STKLD1: variants seen among roughly 807,000 people sequenced by gnomAD.
The protein encoded by STKLD1 is serine/threonine kinase like domain containing 1.
STKLD1 carries 79 observed loss-of-function variants against 80.4 expected under a neutral mutation model. The ratio of observed to expected loss-of-function variants is 0.98; its 90% CI spans 0.82 to 1.19. STKLD1 has a LOEUF of 1.19. STKLD1 is among the 50% of genes most tolerant of loss of function. The pLI is 0.00. For synonymous variants in STKLD1, 393 were observed against 357.6 expected, an observed-to-expected ratio of 1.10 and a Z score of -1.12; for missense variants, 841 against 856.0, an observed-to-expected ratio of 0.98 and a Z score of 0.22.
chr9:133,390,004 C>T lies in STKLD1; in HGVS notation c.467+408C>T, dbSNP rs148459396. 3.3e-5 allele frequency among the ~76,000 whole-genome samples: 5 copies of T among 152,242 alleles called. No homozygotes were observed. The highest frequency in any genetic ancestry group is 1.9e-4 in the East Asian group (1 of 5,166). On this transcript the variant is annotated intron_variant, in intron 6 of 17. Transcript: ENST00000371957. The surrounding 1 kb of genome is among the most constrained non-coding windows in gnomAD (Gnocchi z 5.1). ...ATGGTCTGAAGGGGCTGGGAGATGG[C>T]TCCAATTCTGAACACCAATATCTTA... is the stretch of plus-strand genomic sequence containing the variant.
intron 12 of STKLD1, among the ~76,000 whole-genome samples, chr9:133,400,837 G>A (rs1358504375): frequency 6.6e-6 from 1 of 152,212 alleles, no homozygotes; most frequent in African/African-American, 2.4e-5. Context: ...CAGGAGCTTG[G>A]AGACGCGGAT....
intron 14 of STKLD1, 143 bp downstream of exon 14, chr9:133,403,155 A>G: frequency 1.2e-6 from 1 of 862,558 alleles, no homozygotes; most frequent in African/African-American, 1.7e-5. Flanking sequence ...CTCTTCTGAG[A>G]GCTTCCAACT....
chr9:133,397,402 C>CCACA, intron 10 of STKLD1, 108 bp downstream of exon 10: 1 of 1,447,774 alleles, frequency 6.9e-7, no homozygotes, highest in South Asian at 1.3e-5. Context: ...CCTGGCCTTG[C>CCACA]TCCACATGCA....
At chr9:133,392,553 G>GGAT (rs1838425089) in intron 7 of STKLD1, among the ~76,000 whole-genome samples, 1 of 146,078 alleles carries the variant, frequency 6.8e-6, no homozygotes, top group Non-Finnish European at 1.5e-5. Context: ...ATGGATGGAT[G>GGAT]AGTGGATGGA....
rs201434985 is a variant in STKLD1, at chr9:133,403,977, G to A, written c.1661G>A (p.Arg554Gln). Residue 554 changes from arginine (R) to glutamine (Q), a missense_variant, in exon 16 of 18, where the codon CGG becomes CAG. By Grantham distance (43) the Arg-to-Gln change is conservative. Coordinates refer to ENST00000371957, the MANE Select transcript of STKLD1 (RefSeq NM_153710.5). Reference sequence around the variant, plus strand: ...GTGGCGCTGCTCCTGCAAAGCATCCGGCTGTGCCAGGACAGAGCCCTGCTG... The same window carrying A: ...GTGGCGCTGCTCCTGCAAAGCATCCAGCTGTGCCAGGACAGAGCCCTGCTG... ...QVVALLLQSI[R>Q]LCQDRALLVN... 54 of 1,611,690 alleles carry A rather than the reference G, an allele frequency of 3.4e-5. No individual in the cohort carries two copies. The Middle Eastern group carries it at 6.8e-4, about 20-fold the overall frequency.
intron 16 of STKLD1, 66 bp downstream of exon 16, chr9:133,404,114 A>G (rs587658884): frequency 6.7e-7 from 1 of 1,489,356 alleles, no homozygotes; most frequent in Admixed American, 2.4e-5. Context: ...CCCATCAGTT[A>G]CATCTGCCAG....
At chr9:133,398,132 G>T in intron 11 of STKLD1, 77 bp downstream of exon 11, 1 of 1,432,904 alleles carries the variant, frequency 7.0e-7, no homozygotes. Context: ...GGGGAGCTGA[G>T]GCTGGCCCTC....
In STKLD1 at chr9:133,389,486, G is replaced by A; in HGVS notation, c.397-40G>A. On this transcript the variant is annotated intron_variant, in intron 5 of 17. Coordinates refer to ENST00000371957, the MANE Select transcript of STKLD1 (RefSeq NM_153710.5). This position sits in a 1 kb window ranked among gnomAD's most constrained non-coding sequence, Gnocchi z 6.4. ...TGTCACCCCCCTGAAAGCAGCACAG[G>A]GTGCCCCTCCCATCCTGGCACCCCC... 1 of 1,608,460 alleles carries A rather than the reference G, an allele frequency of 6.2e-7. No individual in the cohort carries two copies. Among genetic ancestry groups the A allele is most frequent in the South Asian group, 1.1e-5 (1 of 90,092 alleles).
rs1564381060 is a variant in STKLD1, at chr9:133,394,265, G to A, written c.584-26G>A. Reference sequence around the variant, plus strand: ...TGCCCCCAGGGAGCAAAGGACTCAGGGATCCCACCTTGCTTTTACCAACAG... The same window carrying A: ...TGCCCCCAGGGAGCAAAGGACTCAGAGATCCCACCTTGCTTTTACCAACAG... On this transcript the variant is annotated intron_variant, in intron 7 of 17. Coordinates refer to ENST00000371957, the MANE Select transcript of STKLD1 (RefSeq NM_153710.5). This position sits in a 1 kb window ranked among gnomAD's most constrained non-coding sequence, Gnocchi z 4.9. The A allele has an allele frequency of 2.0e-6, 3 of 1,521,888 alleles. No homozygotes were observed. The highest frequency in any genetic ancestry group is 9.1e-7 in the Non-Finnish European group (1 of 1,096,214). The allele number at this position is 1,521,888 out of a possible 1,614,324, so 94.3% of individuals were successfully genotyped here.
intron 2 of STKLD1, among the ~76,000 whole-genome samples, chr9:133,379,483 C>G (rs919241698): frequency 6.6e-6 from 1 of 152,246 alleles, no homozygotes; most frequent in Non-Finnish European, 1.5e-5. Flanking sequence ...TAGGCAAGGT[C>G]ACACAATTTC....
chr9:133,402,940 C>T lies in STKLD1; in HGVS notation c.1402C>T (p.Leu468Phe). Residue 468 changes from leucine to phenylalanine, a missense_variant, in exon 14 of 18, where the codon CTC becomes TTC. Coordinates refer to ENST00000371957, the MANE Select transcript of STKLD1 (RefSeq NM_153710.5). ...GCTGCTGGAGCACATCCTGGAGCAC[C>T]TCAACAGCTCCCTCGAAAGCAGGGA... ...AGLLEHILEH[L>F]NSSLESRDVC... 1 of 1,584,600 alleles carries T rather than the reference C, an allele frequency of 6.3e-7. No homozygotes were observed. Among genetic ancestry groups the T allele is most frequent in the Non-Finnish European group, 8.6e-7 (1 of 1,165,622 alleles).
At position 133,390,622 on chromosome 9, in the gene STKLD1, G is replaced by C; in HGVS notation, c.468-59G>C. 1 of 1,313,668 alleles carries C rather than the reference G, an allele frequency of 7.6e-7. No individual in the cohort carries two copies. Among genetic ancestry groups the C allele is most frequent in the South Asian group, 1.2e-5 (1 of 83,922 alleles). 81.4% of individuals were successfully genotyped at this position (1,313,668 alleles called of 1,614,324 possible). ...ACACTGGTCCCACCTGGGGTTGTGG[G>C]TGGTGGCTGCCCAGGTGGCCCCTTG... On this transcript the variant is annotated intron_variant, in intron 6 of 17. Coordinates refer to ENST00000371957, the MANE Select transcript of STKLD1 (RefSeq NM_153710.5). This position sits in a 1 kb window ranked among gnomAD's most constrained non-coding sequence, Gnocchi z 5.1.
Position 133,390,868 on chromosome 9 carries a change from G to C in STKLD1, c.583+72G>C. ...AATCCAGGCGGCGTTGGCCACTCTG[G>C]GTGCTGGAGTGAGGCAACATCAAAC... On this transcript the variant is annotated intron_variant, in intron 7 of 17. Transcript: ENST00000371957. This position sits in a 1 kb window ranked among gnomAD's most constrained non-coding sequence, Gnocchi z 5.1. The C allele has an allele frequency of 1.7e-6, 2 of 1,176,002 alleles. No individual in the cohort carries two copies. The highest frequency in any genetic ancestry group is 1.3e-6 in the Non-Finnish European group (1 of 785,524). 72.8% of individuals were successfully genotyped at this position (1,176,002 alleles called of 1,614,324 possible).
chr9:133,379,342 A>ACCT (rs1269640035), intron 2 of STKLD1, among the ~76,000 whole-genome samples: 1 of 151,770 alleles, frequency 6.6e-6, no homozygotes, highest in East Asian at 1.9e-4. Flanking sequence ...CAACACCACC[A>ACCT]CCTCCCACCA....
intron 16 of STKLD1, 143 bp downstream of exon 16, chr9:133,404,191 C>A: frequency 9.4e-7 from 1 of 1,059,816 alleles, no homozygotes; most frequent in Non-Finnish European, 1.3e-6. Flanking sequence ...GATCTGAAGT[C>A]CAGTCATCCA....
intron 5 of STKLD1, chr9:133,388,724 A>G: frequency 1.0e-6 from 1 of 984,956 alleles, no homozygotes; most frequent in Non-Finnish European, 1.2e-6. Context: ...TTGCCTTCAC[A>G]TTTAGATCTT....
chr9:133,404,580 T>TG (rs904566887), intron 16 of STKLD1, among the ~76,000 whole-genome samples: 9 of 152,162 alleles, frequency 5.9e-5, no homozygotes, highest in African/African-American at 7.2e-5. Flanking sequence ...CCTTTGGCTC[T>TG]GGGGGGGCTG....
rs587729727 is a variant in STKLD1 at position 133,399,469 on chromosome 9, T to G, written c.1082-944T>G. On this transcript the variant is annotated intron_variant, in intron 11 of 17. Transcript: ENST00000371957. ...TCAGCTGTGACCAGGACAGAGTCCC[T>G]GGGAAGAGAGACTTTGCCTCCCTGG... Among the ~76,000 whole-genome samples the G allele has an allele frequency of 3.9e-5, 6 of 152,322 alleles. No homozygotes were observed. The East Asian group carries it at 1.2e-3, about 29-fold the overall frequency.
At chr9:133,401,694 G>A in intron 12 of STKLD1, 44 bp from the exon 13 acceptor site, 1 of 1,589,002 alleles carries the variant, frequency 6.3e-7, no homozygotes, top group Non-Finnish European at 8.5e-7. Flanking sequence ...CCCCATGCCT[G>A]AGCTGTGGGG....
Sources: gnomAD v4.1 joint callset for allele counts (sites outside exome capture counted in the v4.1 genomes callset) on GRCh38, gnomAD v4.1.1 for gene constraint, Gnocchi (gnomAD v3.1) non-coding constraint, MANE v1.5 for transcripts, NCBI Gene and HGNC (gene_info 2026-07-23, HGNC 2026-07-21) for gene names.